The following GRIP1 variants were observed in gnomAD, a reference collection of about 807,000 sequenced individuals.
GRIP1 encodes the protein glutamate receptor-interacting protein 1.
Under a neutral mutation model 129.9 loss-of-function variants are expected in GRIP1, and 45 were observed. That is an observed-to-expected ratio of 0.35 (90% CI 0.27 to 0.44). GRIP1 has a LOEUF of 0.44. Ranked by LOEUF, GRIP1 falls within the 20% of genes least tolerant of loss-of-function variation. The pLI is 1.00. For missense variants in GRIP1, 1,196 were observed against 1,396.8 expected (o/e 0.86, Z 2.29); for synonymous variants, 530 against 520.8 (o/e 1.02, Z -0.24).
intron 1 of GRIP1, among the ~76,000 whole-genome samples, chr12:67,041,317 C>T (rs920289762): frequency 2.0e-5 from 3 of 151,486 alleles, no homozygotes; most frequent in African/African-American, 7.3e-5. Context: ...TTTATATATA[C>T]ACGTGTGTAT....
At chr12:66,742,678 T>C (rs566377632) in intron 1 of GRIP1, among the ~76,000 whole-genome samples, 5 of 151,578 alleles carry the variant, frequency 3.3e-5, no homozygotes, top group Admixed American at 1.3e-4. Context: ...AAGTGAGAGA[T>C]AGAACAGGAA....
intron 5 of GRIP1, among the ~76,000 whole-genome samples, chr12:66,526,745 C>T (rs1245792632): frequency 1.3e-5 from 2 of 152,018 alleles, no homozygotes; most frequent in East Asian, 3.9e-4. Flanking sequence ...AACAGGCAAC[C>T]TACAGAATGG....
At chr12:66,569,392 G>A (rs534707559) in intron 2 of GRIP1, among the ~76,000 whole-genome samples, 17 of 152,236 alleles carry the variant, frequency 1.1e-4, no homozygotes, top group Admixed American at 3.3e-4. Context: ...CAGGAGAATC[G>A]CTTGAACCCA....
chr12:66,464,075 G>A (rs569444078), intron 8 of GRIP1, among the ~76,000 whole-genome samples: 10 of 152,310 alleles, frequency 6.6e-5, no homozygotes, highest in African/African-American at 1.9e-4. Context: ...TGAGGGGCAC[G>A]TGGAGAAGAG....
At chr12:66,568,302 C>A in intron 2 of GRIP1, 1 of 177,584 alleles carries the variant, frequency 5.6e-6, no homozygotes, top group Non-Finnish European at 1.2e-5. Flanking sequence ...CGTTCAATCC[C>A]TGGTCACCAA....
intron 1 of GRIP1, among the ~76,000 whole-genome samples, chr12:66,982,730 A>G (rs1020930734): frequency 6.6e-5 from 10 of 152,134 alleles, no homozygotes; most frequent in African/African-American, 1.2e-4. Context: ...TACAGCCCCA[A>G]CTGATGCCCC....
chr12:66,797,062 T>G (rs2038719202), intron 1 of GRIP1, among the ~76,000 whole-genome samples: 1 of 152,144 alleles, frequency 6.6e-6, no homozygotes, highest in African/African-American at 2.4e-5. Flanking sequence ...GGTTGTAAGA[T>G]TATGTAATAG....
At chr12:66,776,413 CAA>C (rs2037981808) in intron 1 of GRIP1, among the ~76,000 whole-genome samples, 1 of 152,150 alleles carries the variant, frequency 6.6e-6, no homozygotes. Flanking sequence ...TACAATAAAT[CAA>C]AGACTTTCAC....
intron 1 of GRIP1, among the ~76,000 whole-genome samples, chr12:66,609,976 T>C (rs545094975): frequency 2.6e-5 from 4 of 152,142 alleles, no homozygotes; most frequent in Non-Finnish European, 5.9e-5. Context: ...TTTCTCTGAC[T>C]CAGTCTCATC....
intron 2 of GRIP1, among the ~76,000 whole-genome samples, chr12:66,574,114 G>A (rs1249519853): frequency 6.6e-6 from 1 of 152,168 alleles, no homozygotes; most frequent in African/African-American, 2.4e-5. Flanking sequence ...GAAACAAATG[G>A]TTGTAGGCTC....
In GRIP1 at chr12:66,962,201, C is replaced by T. The variant is rs117783479; in HGVS notation, c.58+106849G>A. Among the ~76,000 whole-genome samples, 636 of 152,284 alleles carry T rather than the reference C, an allele frequency of 4.2e-3. 4 individuals are homozygous for T. Among genetic ancestry groups the T allele is most frequent in the Non-Finnish European group, 6.8e-3 (463 of 68,028 alleles). On this transcript the variant is annotated intron_variant, in intron 1 of 1. Coordinates refer to the GRIP1 transcript ENST00000643019. ...ACAGTTTTAAAGTTTAGAAAGAAAC[C>T]AGCCTATTTCCTTTAATAATAAGAG...
intron 1 of GRIP1, among the ~76,000 whole-genome samples, chr12:66,876,315 A>G (rs552085124): frequency 6.6e-6 from 1 of 152,020 alleles, no homozygotes; most frequent in Non-Finnish European, 1.5e-5. Flanking sequence ...TCTCCTCTAA[A>G]AAATGCTTAT....
chr12:66,764,679 G>A (rs2136686415), intron 1 of GRIP1, among the ~76,000 whole-genome samples: 1 of 152,208 alleles, frequency 6.6e-6, no homozygotes, highest in South Asian at 2.1e-4. Flanking sequence ...GACAAGGGGT[G>A]GAAAGGGAGT....
At chr12:66,531,896 A>G (rs2061474302) in intron 4 of GRIP1, among the ~76,000 whole-genome samples, 2 of 152,192 alleles carry the variant, frequency 1.3e-5, no homozygotes, top group Non-Finnish European at 2.9e-5. Context: ...AAAATGGTTT[A>G]CACATATTAT....
chr12:67,007,868 T>C (rs975229609), intron 1 of GRIP1, among the ~76,000 whole-genome samples: 3 of 152,170 alleles, frequency 2.0e-5, no homozygotes, highest in African/African-American at 7.2e-5. Flanking sequence ...ACAGCTGTGT[T>C]CTAGGCCTAC....
At chr12:66,534,271 C>G (rs899550730) in intron 4 of GRIP1, among the ~76,000 whole-genome samples, 2 of 152,160 alleles carry the variant, frequency 1.3e-5, no homozygotes. Flanking sequence ...AAAGATGGTA[C>G]TGCATAATGA....
At chr12:66,876,669 G>A (rs937570704) in intron 1 of GRIP1, among the ~76,000 whole-genome samples, 1 of 152,060 alleles carries the variant, frequency 6.6e-6, no homozygotes, top group Non-Finnish European at 1.5e-5. Flanking sequence ...CCTTAAGGAG[G>A]TGGTAGGACT....
chr12:67,021,183 T>A (rs1470420468), intron 1 of GRIP1, among the ~76,000 whole-genome samples: 5 of 152,158 alleles, frequency 3.3e-5, no homozygotes, highest in African/African-American at 1.2e-4. Context: ...ACAATCAAGA[T>A]GGAATTGGAT....
At chr12:66,703,507 AG>A (rs1323896053) in intron 1 of GRIP1, among the ~76,000 whole-genome samples, 6 of 152,194 alleles carry the variant, frequency 3.9e-5, no homozygotes, top group Admixed American at 3.3e-4. Flanking sequence ...GTAGGTGATG[AG>A]GAACTGAAAA....
Sources: gnomAD v4.1 joint callset for allele counts (sites outside exome capture counted in the v4.1 genomes callset) on GRCh38, gnomAD v4.1.1 for gene constraint, MANE v1.5 for transcripts, NCBI Gene and HGNC (gene_info 2026-07-23, HGNC 2026-07-21) for gene names.